KIAA1217: variants seen among roughly 807,000 people sequenced by gnomAD.
KIAA1217 encodes the protein sickle tail protein homolog.
KIAA1217 carries 88 observed loss-of-function variants against 163.9 expected under a neutral mutation model. The observed-to-expected ratio is 0.54, with a 90% CI of 0.45 to 0.64. The LOEUF (loss-of-function observed/expected upper bound fraction) is 0.64, where lower values mean the gene tolerates loss of function less well. Ranked by LOEUF, KIAA1217 falls within the 30% of genes least tolerant of loss-of-function variation. KIAA1217 has a pLI of 0.00. For synonymous variants in KIAA1217, 903 were observed against 923.1 expected (o/e 0.98, Z 0.39); for missense variants, 2,372 against 2,475.0 (o/e 0.96, Z 0.88).
chr10:23,752,961 A>G (rs918251345), intron 1 of KIAA1217, among the ~76,000 whole-genome samples: 1 of 152,224 alleles, frequency 6.6e-6, no homozygotes, highest in Admixed American at 6.5e-5. Context: ...GAGTTGAGGC[A>G]CAAAGAAGTT....
intron 2 of KIAA1217, among the ~76,000 whole-genome samples, chr10:24,139,750 C>T (rs2063977134): frequency 6.6e-6 from 1 of 151,966 alleles, no homozygotes; most frequent in Non-Finnish European, 1.5e-5. Flanking sequence ...TACAGTAGTC[C>T]CCACTTATCC....
intron 1 of KIAA1217, among the ~76,000 whole-genome samples, chr10:23,915,748 A>G (rs903072660): frequency 9.9e-5 from 15 of 152,196 alleles, no homozygotes; most frequent in African/African-American, 3.6e-4. Flanking sequence ...GAAAGGTGCA[A>G]GACTGGCAGG....
intron 3 of KIAA1217, among the ~76,000 whole-genome samples, chr10:24,428,531 A>G (rs1263736006): frequency 6.6e-6 from 1 of 152,182 alleles, no homozygotes; most frequent in African/African-American, 2.4e-5. Context: ...ATACAAACCA[A>G]GGGCGAGGTT....
intron 2 of KIAA1217, among the ~76,000 whole-genome samples, chr10:24,170,277 C>T (rs1022313333): frequency 6.6e-6 from 1 of 152,172 alleles, no homozygotes; most frequent in South Asian, 2.1e-4. Flanking sequence ...TAAATAGACT[C>T]GCTCCTGAAA....
chr10:23,925,874 G>A (rs570957251), intron 1 of KIAA1217, among the ~76,000 whole-genome samples: 1 of 152,160 alleles, frequency 6.6e-6, no homozygotes, highest in Non-Finnish European at 1.5e-5. Flanking sequence ...GTTTTGATCA[G>A]CTGAGAATTG....
At chr10:24,009,659 A>G (rs534238442) in intron 2 of KIAA1217, among the ~76,000 whole-genome samples, 1 of 152,236 alleles carries the variant, frequency 6.6e-6, no homozygotes, top group South Asian at 2.1e-4. Flanking sequence ...GGGAAATAGG[A>G]CCCTGCAAAG....
intron 2 of KIAA1217, among the ~76,000 whole-genome samples, chr10:24,092,959 A>C (rs1443503618): frequency 7.1e-6 from 1 of 140,550 alleles, no homozygotes; most frequent in Non-Finnish European, 1.5e-5. Context: ...TGTGTGAAAG[A>C]AAATCAGGAT....
intron 2 of KIAA1217, among the ~76,000 whole-genome samples, chr10:24,266,117 C>T (rs1202715266): frequency 1.3e-5 from 2 of 149,432 alleles, no homozygotes; most frequent in African/African-American, 4.9e-5. Flanking sequence ...CTCACCCTGT[C>T]GCCCAGGTTG....
chr10:23,795,604 AAGTAAGGACTTAT>A (rs1210098630), intron 1 of KIAA1217, among the ~76,000 whole-genome samples: 1 of 152,208 alleles, frequency 6.6e-6, no homozygotes, highest in Non-Finnish European at 1.5e-5. Context: ...GGATATCTTG[AAGTAAGGACTTAT>A]AGGTCATAGG....
At chr10:23,751,379 T>G (rs945041957) in intron 1 of KIAA1217, among the ~76,000 whole-genome samples, 1 of 152,186 alleles carries the variant, frequency 6.6e-6, no homozygotes, top group African/African-American at 2.4e-5. Flanking sequence ...GACAAATGTG[T>G]TGTCTAGAAA....
At chr10:24,129,561 A>G (rs2063580493) in intron 2 of KIAA1217, among the ~76,000 whole-genome samples, 1 of 152,188 alleles carries the variant, frequency 6.6e-6, no homozygotes. Flanking sequence ...CTTCATAATC[A>G]ATAGGACTCC....
chr10:24,473,613 G>A lies in KIAA1217; in HGVS notation c.1232G>A (p.Gly411Asp). 6.2e-7 allele frequency: 1 copy of A among 1,614,040 alleles called. No homozygotes were observed. The highest frequency in any genetic ancestry group is 8.5e-7 in the Non-Finnish European group (1 of 1,179,996). Residue 411 changes from glycine to aspartate, a missense_variant, in exon 6 of 21, where the codon GGT (glycine) becomes GAT (aspartate). Gly to Asp is a moderately conservative substitution (Grantham distance 94). This residue lies in a region of KIAA1217 where 1,431 missense variants were observed against 1,470.3 expected (regional missense o/e 0.97). Transcript: ENST00000376454. ...CGGATGAGCATAGCCTCATCCCATG[G>A]TGGACACCCACTGGATGTCCCCGAC... is the stretch of plus-strand genomic sequence containing the variant. Reference protein sequence around the residue: ...EGRMSIASSHGGHPLDVPDHI... With the variant: ...EGRMSIASSHDGHPLDVPDHI...
chr10:24,212,304 G>A (rs117482656), intron 1 of KIAA1217, among the ~76,000 whole-genome samples: 2 of 152,160 alleles, frequency 1.3e-5, no homozygotes, highest in African/African-American at 2.4e-5. Context: ...ACAGATGAGA[G>A]GGTGTTTATG....
intron 9 of KIAA1217, among the ~76,000 whole-genome samples, chr10:24,502,750 TG>T (rs2067830724): frequency 6.6e-6 from 1 of 152,154 alleles, no homozygotes; most frequent in Non-Finnish European, 1.5e-5. Context: ...CCCAGCACTT[TG>T]GGAGGACGAG....
chr10:23,859,230 A>G (rs1468825227), intron 1 of KIAA1217, among the ~76,000 whole-genome samples: 1 of 152,260 alleles, frequency 6.6e-6, no homozygotes, highest in African/African-American at 2.4e-5. Flanking sequence ...AAGCCTGTGG[A>G]TTGGGAACCT....
chr10:23,899,740 G>A (rs927690072), intron 1 of KIAA1217, among the ~76,000 whole-genome samples: 1 of 152,018 alleles, frequency 6.6e-6, no homozygotes, highest in Non-Finnish European at 1.5e-5. Context: ...ACAGTCTAAT[G>A]TTTTTGACTG....
In KIAA1217 at chr10:23,730,736, A is replaced by G. The variant is rs190042219; in HGVS notation, c.-321+35502A>G. Among the ~76,000 whole-genome samples, 15 of 152,178 alleles carry G rather than the reference A, an allele frequency of 9.9e-5. No individual in the cohort carries two copies. The East Asian group carries it at 2.5e-3, about 25-fold the overall frequency. Reference sequence around the variant, plus strand: ...TGTTCAATTTATACCTAAGTATTTTATTTTTGAGGAGATGCTAATATAAAT... The same window carrying G: ...TGTTCAATTTATACCTAAGTATTTTGTTTTTGAGGAGATGCTAATATAAAT... On this transcript the variant is annotated intron_variant, in intron 1 of 18. Coordinates refer to the KIAA1217 transcript ENST00000376462.
At chr10:24,446,783 T>C (rs1408245746) in intron 5 of KIAA1217, among the ~76,000 whole-genome samples, 2 of 152,220 alleles carry the variant, frequency 1.3e-5, no homozygotes, top group African/African-American at 4.8e-5. Context: ...AGAGAAGTTC[T>C]TATTATTCTC....
intron 2 of KIAA1217, among the ~76,000 whole-genome samples, chr10:24,347,496 C>T (rs1204214078): frequency 1.3e-5 from 2 of 152,144 alleles, no homozygotes; most frequent in Admixed American, 1.3e-4. Context: ...AACGTGCCAG[C>T]TTTGACTACC....
Sources: gnomAD v4.1 joint callset for allele counts (sites outside exome capture counted in the v4.1 genomes callset) on GRCh38, gnomAD v4.1.1 for gene constraint, gnomAD v4.1.1 regional missense constraint, MANE v1.5 for transcripts, NCBI Gene and HGNC (gene_info 2026-07-23, HGNC 2026-07-21) for gene names.